FOXP1: variants seen among roughly 807,000 people sequenced by gnomAD.
FOXP1 encodes forkhead box P1, also known as forkhead box protein P1.
Under a neutral mutation model 98.2 loss-of-function variants are expected in FOXP1, and 15 were observed. The observed-to-expected ratio is 0.15, with a 90% CI of 0.10 to 0.24. The LOEUF (loss-of-function observed/expected upper bound fraction) is 0.24, where lower values mean the gene tolerates loss of function less well. Ranked by LOEUF, FOXP1 falls within the 10% of genes least tolerant of loss-of-function variation. The pLI, the probability that FOXP1 is intolerant of heterozygous loss-of-function variation, is 1.00. For missense variants in FOXP1, 633 were observed against 848.5 expected (o/e 0.75, Z 3.15); for synonymous variants, 371 against 314.5 (o/e 1.18, Z -1.90).
intron 2 of FOXP1, among the ~76,000 whole-genome samples, chr3:71,561,648 C>G (rs2046551934): frequency 6.6e-6 from 1 of 152,186 alleles, no homozygotes; most frequent in African/African-American, 2.4e-5. Flanking sequence ...TACAACAGCG[C>G]TGGCACTCAC....
chr3:71,175,956 G>C (rs1228600576), intron 6 of FOXP1, among the ~76,000 whole-genome samples: 2 of 152,164 alleles, frequency 1.3e-5, no homozygotes, highest in Non-Finnish European at 2.9e-5. Flanking sequence ...TCTCAACAGA[G>C]CTAATCACTC....
chr3:71,369,455 C>T (rs932040683), intron 3 of FOXP1, among the ~76,000 whole-genome samples: 6 of 152,166 alleles, frequency 3.9e-5, no homozygotes, highest in Non-Finnish European at 7.3e-5. Flanking sequence ...AGTACAATGG[C>T]GCAATCTCAG....
chr3:71,489,140 T>C (rs2090883830), intron 3 of FOXP1, among the ~76,000 whole-genome samples: 1 of 152,024 alleles, frequency 6.6e-6, no homozygotes, highest in South Asian at 2.1e-4. Context: ...GGAAAGTCCA[T>C]ATTCTCGAGT....
intron 5 of FOXP1, among the ~76,000 whole-genome samples, chr3:71,281,730 G>A (rs770685582): frequency 6.6e-5 from 10 of 152,118 alleles, no homozygotes; most frequent in African/African-American, 1.4e-4. Context: ...TGAAAAGCTC[G>A]TGAGCCCAGG....
chr3:71,153,180 T>TCCCACACACCTGTGTCTCCCAA (rs1337158158), intron 6 of FOXP1, among the ~76,000 whole-genome samples: 1 of 152,072 alleles, frequency 6.6e-6, no homozygotes, highest in East Asian at 1.9e-4. Flanking sequence ...TGAAGGCGCC[T>TCCCACACACCTGTGTCTCCCAA]CCCACACACC....
intron 11 of FOXP1, among the ~76,000 whole-genome samples, chr3:71,028,429 T>A (rs532655202): frequency 1.3e-5 from 2 of 152,154 alleles, no homozygotes; most frequent in African/African-American, 4.8e-5. Flanking sequence ...ACACTAAGGG[T>A]GGGGCCCAGT....
chr3:70,999,118 C>T (rs1022340323), intron 13 of FOXP1, among the ~76,000 whole-genome samples: 1 of 152,054 alleles, frequency 6.6e-6, no homozygotes, highest in South Asian at 2.1e-4. Flanking sequence ...GAGATGGAGT[C>T]TCACTCTGTC....
intron 5 of FOXP1, among the ~76,000 whole-genome samples, chr3:71,242,713 C>T (rs571208100): frequency 6.8e-6 from 1 of 147,390 alleles, no homozygotes; most frequent in South Asian, 2.2e-4. Flanking sequence ...TGTGAGGGTA[C>T]ATCGCTGTGA....
intron 4 of FOXP1, among the ~76,000 whole-genome samples, chr3:71,343,120 CT>C (rs2077110976): frequency 1.3e-5 from 2 of 152,208 alleles, no homozygotes; most frequent in African/African-American, 2.4e-5. Context: ...TTAAACAAAA[CT>C]TCTGGGATTT....
chr3:71,022,067 T>C (rs930371524), intron 11 of FOXP1, among the ~76,000 whole-genome samples: 9 of 152,214 alleles, frequency 5.9e-5, no homozygotes, highest in African/African-American at 2.2e-4. Context: ...TAGCTTTGCT[T>C]TAAAGAACTT....
intron 6 of FOXP1, among the ~76,000 whole-genome samples, chr3:71,115,317 T>TTTATTTATTTATTTA (rs1553745322): frequency 1.4e-4 from 20 of 144,138 alleles, no homozygotes; most frequent in Non-Finnish European, 2.3e-4. Context: ...ATTATTATTA[T>TTTATTTATTTATTTA]TTTATTTATT....
At chr3:71,466,788 G>T (rs2088796369) in intron 3 of FOXP1, among the ~76,000 whole-genome samples, 1 of 152,204 alleles carries the variant, frequency 6.6e-6, no homozygotes, top group African/African-American at 2.4e-5. Flanking sequence ...AGGGCAGGGG[G>T]TTGCATCTTC....
chr3:71,375,280 C>G lies in FOXP1; in HGVS notation c.-167-16036G>C, dbSNP rs2079631245. Among the ~76,000 whole-genome samples, 10 of 152,236 alleles carry G rather than the reference C, an allele frequency of 6.6e-5. No homozygotes were observed. In the South Asian group the frequency reaches 2.1e-3, roughly 32 times the overall value. ...CTCACAGCTCATGCTGAGAAGAAAA[C>G]CCAAGGGATTCCTCTCTTAATTCTT... On this transcript the variant is annotated intron_variant, in intron 3 of 20. Coordinates refer to ENST00000649528, the MANE Select transcript of FOXP1 (RefSeq NM_001349338.3).
chr3:71,487,691 A>G (rs1256708203), intron 3 of FOXP1, among the ~76,000 whole-genome samples: 1 of 152,228 alleles, frequency 6.6e-6, no homozygotes, highest in Non-Finnish European at 1.5e-5. Context: ...TTTAGCCAAA[A>G]GGTTTGATGT....
chr3:71,211,471 G>A (rs753404029), intron 5 of FOXP1, among the ~76,000 whole-genome samples: 3 of 152,050 alleles, frequency 2.0e-5, no homozygotes, highest in Non-Finnish European at 4.4e-5. Context: ...CTCCTAAAGT[G>A]CTGGAATTAC....
intron 5 of FOXP1, among the ~76,000 whole-genome samples, chr3:71,199,384 C>T (rs1371015409): frequency 3.3e-5 from 5 of 151,848 alleles, no homozygotes; most frequent in Admixed American, 6.6e-5. Flanking sequence ...GGATTACAGG[C>T]CTCGTGAGCC....
chr3:71,165,641 C>T lies in FOXP1; in HGVS notation c.180+32561G>A, dbSNP rs527787422. Among the ~76,000 whole-genome samples the T allele has an allele frequency of 2.6e-5, 4 of 152,188 alleles. No individual in the cohort carries two copies. In the South Asian group the frequency reaches 8.3e-4, roughly 32 times the overall value. ...CCACCTTGCCTTGCCTTAAATTTGC[C>T]ATGTGGTCCATGGAGGCAAACTAGG... On this transcript the variant is annotated intron_variant, in intron 6 of 20. Transcript: ENST00000649528.
chr3:71,010,022 T>C (rs1393336238), intron 12 of FOXP1, among the ~76,000 whole-genome samples: 2 of 151,570 alleles, frequency 1.3e-5, no homozygotes, highest in Non-Finnish European at 2.9e-5. Context: ...TCCAAATGCA[T>C]TGGGATTACA....
intron 2 of FOXP1, chr3:71,574,536 C>T (rs1323089609): frequency 3.3e-5 from 5 of 152,098 alleles, no homozygotes; most frequent in Admixed American, 3.3e-4. Flanking sequence ...GCATCGTTGG[C>T]TAGGCTATTT....
Sources: allele counts gnomAD v4.1 joint callset (sites outside exome capture counted in the v4.1 genomes callset), GRCh38; gene constraint gnomAD v4.1.1; transcripts MANE v1.5; gene names NCBI Gene and HGNC (gene_info 2026-07-23, HGNC 2026-07-21).